PRPF6: variants seen among roughly 807,000 people sequenced by gnomAD.
PRPF6 encodes the protein pre-mRNA processing factor 6.
PRPF6 carries 42 observed loss-of-function variants against 118.3 expected under a neutral mutation model. That is an observed-to-expected ratio of 0.35 (90% confidence interval 0.28 to 0.46). PRPF6 has a LOEUF of 0.46. PRPF6 is among the 20% of genes least tolerant of loss of function. PRPF6 has a pLI of 1.00. For missense variants in PRPF6, 662 were observed against 1,255.7 expected (o/e 0.53, Z 7.15); for synonymous variants, 481 against 485.1 (o/e 0.99, Z 0.11).
Position 64,016,820 on chromosome 20 carries a change from A to C in PRPF6, c.1622A>C (p.His541Pro). Residue 541 changes from histidine (H) to proline (P), a missense_variant, in exon 12 of 21, where the codon CAT becomes CCT. Physicochemically the swap from His to Pro is moderately conservative, Grantham distance 77 (BLOSUM62 -2). This residue lies in a region of PRPF6 where 189 missense variants were observed against 323.5 expected (regional missense o/e 0.58). Transcript: ENST00000266079. ...GIGIEEEDRKHTWMEDADSCV... is the reference protein window; with the variant it reads ...GIGIEEEDRKPTWMEDADSCV... ...GGGATTGAGGAGGAAGATCGGAAGC[A>C]TACCTGGATGGAGGATGCTGACAGT... is the stretch of plus-strand genomic sequence containing the variant. 6.2e-7 allele frequency: 1 copy of C among 1,614,176 alleles called. No individual in the cohort carries two copies. Among genetic ancestry groups the C allele is most frequent in the Non-Finnish European group, 8.5e-7 (1 of 1,180,014 alleles).
In PRPF6 at chr20:64,028,326, T is replaced by C; in HGVS notation, c.2340-152T>C. On this transcript the variant is annotated intron_variant, in intron 17 of 20. Coordinates refer to ENST00000266079, the MANE Select transcript of PRPF6 (RefSeq NM_012469.4). This position sits in a 1 kb window ranked among gnomAD's most constrained non-coding sequence, Gnocchi z 6.5. ...CAGGGATGTGGGCCCCAGCGCCTTGTTTCTGTGGTGGATGAGCTCTGCTGT... is the reference window on the plus strand; with the variant it reads ...CAGGGATGTGGGCCCCAGCGCCTTGCTTCTGTGGTGGATGAGCTCTGCTGT... 2 of 801,870 alleles carry C rather than the reference T, an allele frequency of 2.5e-6. No homozygotes were observed. The highest frequency in any genetic ancestry group is 4.1e-6 in the Non-Finnish European group (2 of 489,138). The allele number at this position is 801,870 out of a possible 1,614,324, so 49.7% of individuals were successfully genotyped here.
At chr20:63,984,741 C>T (rs771233551) in intron 2 of PRPF6, among the ~76,000 whole-genome samples, 166 bp from the exon 3 acceptor site, 10 of 152,166 alleles carry the variant, frequency 6.6e-5, no homozygotes, top group Non-Finnish European at 1.5e-5. Flanking sequence ...ATGCCCTTGA[C>T]GCTTGAAGAG....
At position 64,027,158 on chromosome 20, in the gene PRPF6, G is replaced by A. The variant is rs1002054136; in HGVS notation, c.2205G>A (p.Gly735=). ...AGGCGCGGGAAGCCTATAACCAGGG[G>A]GTACGTCTCTGCCTGCACCCTGGGG... ...MEKAREAYNQ[G]LKKCPHSTPL... Residue 735 remains glycine (G), a splice_region_variant and synonymous_variant, in exon 16 of 21, where the codon GGG becomes GGA. Coordinates refer to ENST00000266079, the MANE Select transcript of PRPF6 (RefSeq NM_012469.4). The surrounding 1 kb of genome is among the most constrained non-coding windows in gnomAD (Gnocchi z 6.5). The A allele has an allele frequency of 1.9e-6, 3 of 1,613,084 alleles. No homozygotes were observed. Among genetic ancestry groups the A allele is most frequent in the Middle Eastern group, 1.8e-4 (1 of 5,414 alleles).
rs2059087296 is a variant in PRPF6 at position 63,985,040 on chromosome 20, T to C, written c.359+15T>C. On this transcript the variant is annotated intron_variant, in intron 3 of 20. Coordinates refer to ENST00000266079, the MANE Select transcript of PRPF6 (RefSeq NM_012469.4). ...AAAGAAAGACGGTAAAAGAAATTGT[T>C]GCCTTTCACAATATTTATCCAAGTT... The C allele has an allele frequency of 6.2e-7, 1 of 1,603,280 alleles. No individual in the cohort carries two copies. Among genetic ancestry groups the C allele is most frequent in the Non-Finnish European group, 8.5e-7 (1 of 1,171,654 alleles).
In PRPF6 at chr20:64,027,108, G is replaced by A. The variant is rs780468673; in HGVS notation, c.2155G>A (p.Glu719Lys). The A allele has an allele frequency of 9.3e-6, 15 of 1,614,054 alleles. No individual in the cohort carries two copies. Among genetic ancestry groups the A allele is most frequent in the African/African-American group, 4.0e-5 (3 of 75,034 alleles). Residue 719 changes from glutamate (E) to lysine (K), a missense_variant, in exon 16 of 21, where the codon GAG becomes AAG. Coordinates refer to ENST00000266079, the MANE Select transcript of PRPF6 (RefSeq NM_012469.4). This position sits in a 1 kb window ranked among gnomAD's most constrained non-coding sequence, Gnocchi z 6.5. ...PKLWMMKGQI[E>K]EQKEMMEKAR... The stretch of plus-strand genomic sequence containing the variant: ...GCTGTGGATGATGAAGGGGCAGATC[G>A]AGGAGCAGAAGGAGATGATGGAGAA...
chr20:64,025,497 C>T (rs2059285253), intron 14 of PRPF6, among the ~76,000 whole-genome samples: 1 of 152,210 alleles, frequency 6.6e-6, no homozygotes, highest in African/African-American at 2.4e-5. Context: ...CCCTGGGAGT[C>T]CTCTCTCCTG....
At chr20:64,003,922 G>A (rs764751359) in intron 9 of PRPF6, among the ~76,000 whole-genome samples, 6 of 152,164 alleles carry the variant, frequency 3.9e-5, no homozygotes, top group Non-Finnish European at 8.8e-5. Context: ...ATAATGAGGT[G>A]GCCAGGAACA....
intron 9 of PRPF6, among the ~76,000 whole-genome samples, chr20:64,009,945 G>T (rs1349380610): frequency 6.6e-6 from 1 of 152,126 alleles, no homozygotes; most frequent in East Asian, 1.9e-4. Context: ...CGTGGTCACT[G>T]GTTTCCTGAG....
At chr20:64,010,378 T>G (rs770393658) in intron 10 of PRPF6, 60 bp downstream of exon 10, 2 of 1,341,198 alleles carry the variant, frequency 1.5e-6, no homozygotes, top group Admixed American at 1.7e-5. Context: ...GAGCCCAGGT[T>G]CAGTGTCTGG....
In PRPF6 at chr20:64,029,416, C is replaced by G. The variant is rs1569226429; in HGVS notation, c.2471C>G (p.Pro824Arg). 1 of 1,614,190 alleles carries G rather than the reference C, an allele frequency of 6.2e-7. No individual in the cohort carries two copies. The highest frequency in any genetic ancestry group is 2.2e-5 in the East Asian group (1 of 44,890). The stretch of plus-strand genomic sequence containing the variant: ...GAGGCCATCTTCCTCGAGGCAAGGC[C>G]CCAGAGGAGGACCAAGAGCGTGGAT... ...WSEAIFLEAR[P>R]QRRTKSVDAL... Residue 824 changes from proline to arginine, a missense_variant, in exon 19 of 21, where the codon CCC (proline) becomes CGC (arginine). Physicochemically the swap from Pro to Arg is moderately radical, Grantham distance 103 (BLOSUM62 -2). Around this residue, in one of 10 missense-constraint regions of PRPF6, gnomAD observed 244 missense variants for 383.7 expected, o/e 0.64. Coordinates refer to ENST00000266079, the MANE Select transcript of PRPF6 (RefSeq NM_012469.4). The surrounding 1 kb of genome is among the most constrained non-coding windows in gnomAD (Gnocchi z 4.8).
In PRPF6 at chr20:63,993,422, A is replaced by G. The variant is rs142411576; in HGVS notation, c.375A>G (p.Lys125=). The G allele has an allele frequency of 8.7e-6, 14 of 1,612,580 alleles. No individual in the cohort carries two copies. The highest frequency in any genetic ancestry group is 6.7e-5 in the Admixed American group (4 of 59,928). The change falls in exon 4 of 21, where the codon AAA becomes AAG. Residue 125 remains lysine (K), a synonymous_variant. Transcript: ENST00000266079. The stretch of plus-strand genomic sequence containing the variant: ...TATTTCCTAGGGAGCAAAGGGAGAA[A>G]GAAGAAATAGAGAAATATCGTATGG... ...RRKERREQRE[K]EEIEKYRMER...
At chr20:63,998,990 CTT>C (rs2059153771) in intron 6 of PRPF6, 53 bp from the exon 7 acceptor site, 2 of 1,395,856 alleles carry the variant, frequency 1.4e-6, no homozygotes, top group Non-Finnish European at 2.0e-6. Context: ...CCTCTGAGAA[CTT>C]TGTTTTGCAC....
At chr20:64,022,728 G>A in intron 12 of PRPF6, 29 bp from the exon 13 acceptor site, 1 of 1,613,796 alleles carries the variant, frequency 6.2e-7, no homozygotes, top group Non-Finnish European at 8.5e-7. Flanking sequence ...GTGCTGGGCT[G>A]CCCATTCTCA....
chr20:64,026,997 G>A lies in PRPF6; in HGVS notation c.2044G>A (p.Val682Met). The A allele has an allele frequency of 6.2e-7, 1 of 1,613,962 alleles. No homozygotes were observed. The highest frequency in any genetic ancestry group is 1.3e-5 in the African/African-American group (1 of 75,060). ...TGCCCCACAGGTGTTCATGAAGTCT[G>A]TGAAGCTGGAGTGGGTGCAAGACAA... ...APTARVFMKSVKLEWVQDNIR... is the reference protein window; with the variant it reads ...APTARVFMKSMKLEWVQDNIR... Residue 682 changes from valine to methionine, a missense_variant, in exon 16 of 21, where the codon GTG becomes ATG. Transcript: ENST00000266079. This position sits in a 1 kb window ranked among gnomAD's most constrained non-coding sequence, Gnocchi z 4.4.
At chr20:64,006,160 T>C (rs1319110321) in intron 9 of PRPF6, among the ~76,000 whole-genome samples, 2 of 152,152 alleles carry the variant, frequency 1.3e-5, no homozygotes, top group Admixed American at 6.6e-5. Context: ...GACTGGCCTC[T>C]AGATAGTCTC....
In PRPF6 at chr20:64,032,891, T is replaced by C. The variant is rs770732360; in HGVS notation, c.2724T>C (p.His908=). 3.1e-6 allele frequency: 5 copies of C among 1,613,096 alleles called. No individual in the cohort carries two copies. The highest frequency in any genetic ancestry group is 1.1e-5 in the South Asian group (1 of 91,072). The change falls in exon 21 of 21, where the codon CAT becomes CAC. Residue 908 remains histidine (H), a synonymous_variant. Coordinates refer to ENST00000266079, the MANE Select transcript of PRPF6 (RefSeq NM_012469.4). ...RKRCESAEPR[H]GELWCAVSKD... is the part of the protein sequence containing the mutation. ...GCTGTGAGAGTGCAGAGCCTCGGCA[T>C]GGGGAGCTGTGGTGCGCCGTGTCCA...
intron 5 of PRPF6, 53 bp from the exon 6 acceptor site, chr20:63,995,274 G>T: frequency 6.3e-7 from 1 of 1,578,362 alleles, no homozygotes; most frequent in South Asian, 1.1e-5. Context: ...AATTTCTTGG[G>T]CATGCAGTGC....
At chr20:64,022,509 T>C (rs1394996198) in intron 12 of PRPF6, among the ~76,000 whole-genome samples, 1 of 152,204 alleles carries the variant, frequency 6.6e-6, no homozygotes, top group African/African-American at 2.4e-5. Flanking sequence ...GTTTTCACTA[T>C]GTAAGTTAGG....
chr20:64,018,231 T>G (rs1270478893), intron 12 of PRPF6, among the ~76,000 whole-genome samples: 1 of 152,208 alleles, frequency 6.6e-6, no homozygotes, highest in African/African-American at 2.4e-5. Flanking sequence ...CTCTGTGTCC[T>G]TTTAGCAGAA....
Sources: gnomAD v4.1 joint callset for allele counts (sites outside exome capture counted in the v4.1 genomes callset) on GRCh38, gnomAD v4.1.1 for gene constraint, gnomAD v4.1.1 regional missense constraint, Gnocchi (gnomAD v3.1) non-coding constraint, MANE v1.5 for transcripts, NCBI Gene and HGNC (gene_info 2026-07-23, HGNC 2026-07-21) for gene names.